Variants in ARL15 observed in about 807,000 individuals in gnomAD.
ARL15 encodes the protein ARF like GTPase 15, also known as ADP-ribosylation factor-like protein 15.
ARL15 carries 19 observed loss-of-function variants against 25.2 expected under a neutral mutation model. That is an observed-to-expected ratio of 0.75 (90% CI 0.53 to 1.10). The LOEUF (loss-of-function observed/expected upper bound fraction) is 1.10. Among genes scored for constraint, ARL15 ranks in the 50% least tolerant of loss-of-function variants. The pLI is 0.00. For synonymous variants in ARL15, 94 were observed against 86.8 expected, an observed-to-expected ratio of 1.08 and a Z score of -0.46; for missense variants, 220 against 246.0, an observed-to-expected ratio of 0.89 and a Z score of 0.71.
chr5:54,070,287 G>A lies in ARL15; in HGVS notation c.462+42915C>T, dbSNP rs372591882. Among the ~76,000 whole-genome samples the A allele has an allele frequency of 7.2e-5, 11 of 152,080 alleles. No homozygotes were observed. The East Asian group carries it at 2.2e-3, about 30-fold the overall frequency. On this transcript the variant is annotated intron_variant, in intron 4 of 4. Coordinates refer to ENST00000504924, the MANE Select transcript of ARL15 (RefSeq NM_019087.3). ...GGCGCCTGTAGTCCCAGCTACTTGG[G>A]AGGCTGAGGCAGGAGAATGGTGTGA...
chr5:54,123,325 G>A (rs1753147502), intron 3 of ARL15, among the ~76,000 whole-genome samples: 1 of 152,038 alleles, frequency 6.6e-6, no homozygotes, highest in South Asian at 2.1e-4. Flanking sequence ...TGGCCAGGAT[G>A]GTTTCGATCT....
intron 2 of ARL15, among the ~76,000 whole-genome samples, chr5:54,167,011 T>C (rs943181071): frequency 5.9e-5 from 9 of 152,182 alleles, no homozygotes; most frequent in African/African-American, 2.2e-4. Flanking sequence ...TTATCTGTCA[T>C]GTGAGTCCAG....
At chr5:54,053,643 T>C (rs1347964119) in intron 4 of ARL15, among the ~76,000 whole-genome samples, 3 of 152,220 alleles carry the variant, frequency 2.0e-5, no homozygotes, top group African/African-American at 7.2e-5. Flanking sequence ...TGTGGCACTG[T>C]ACCTCTGGGA....
chr5:54,184,261 CAAAAAAAAAAA>C (rs201681698), intron 1 of ARL15, among the ~76,000 whole-genome samples: 1 of 117,054 alleles, frequency 8.5e-6, no homozygotes, highest in Non-Finnish European at 1.7e-5. Flanking sequence ...AAAAAAAAAT[CAAAAAAAAAAA>C]AAAAAAAGAA....
intron 4 of ARL15, among the ~76,000 whole-genome samples, chr5:53,979,750 G>A (rs1748059426): frequency 6.6e-6 from 1 of 152,050 alleles, no homozygotes; most frequent in South Asian, 2.1e-4. Flanking sequence ...ATTTTCCCCA[G>A]CAAGAGATGC....
chr5:54,080,178 G>A (rs1751750938), intron 4 of ARL15, among the ~76,000 whole-genome samples: 1 of 152,144 alleles, frequency 6.6e-6, no homozygotes, highest in Non-Finnish European at 1.5e-5. Context: ...CAGGACATAG[G>A]AATTCTAAAG....
intron 4 of ARL15, among the ~76,000 whole-genome samples, chr5:53,917,804 A>G (rs981525804): frequency 3.3e-5 from 5 of 152,058 alleles, no homozygotes; most frequent in African/African-American, 1.2e-4. Context: ...AAACTCCTTC[A>G]CCAGAGGGGT....
At chr5:54,232,124 C>T (rs569353079) in intron 1 of ARL15, among the ~76,000 whole-genome samples, 15 of 152,298 alleles carry the variant, frequency 9.8e-5, no homozygotes, top group African/African-American at 3.4e-4. Flanking sequence ...CTCTTTAAGT[C>T]TCAGCCTCCA....
chr5:54,255,481 C>T (rs1268496054), intron 1 of ARL15, among the ~76,000 whole-genome samples: 1 of 152,120 alleles, frequency 6.6e-6, no homozygotes, highest in Non-Finnish European at 1.5e-5. Context: ...GATTTTGTTT[C>T]GTCTCCCTTT....
At chr5:53,973,390 A>G (rs897633621) in intron 4 of ARL15, among the ~76,000 whole-genome samples, 1 of 152,080 alleles carries the variant, frequency 6.6e-6, no homozygotes. Flanking sequence ...CCTGGTGAAC[A>G]TGGTAAAACC....
intron 4 of ARL15, among the ~76,000 whole-genome samples, chr5:53,942,896 T>A (rs949682177): frequency 6.6e-6 from 1 of 152,098 alleles, no homozygotes; most frequent in African/African-American, 2.4e-5. Context: ...CAGCCACCAG[T>A]GATGAAAGTG....
rs139363879 is a variant in ARL15, at chr5:54,038,484, G to A, written c.462+74718C>T. On this transcript the variant is annotated intron_variant, in intron 4 of 4. Coordinates refer to ENST00000504924, the MANE Select transcript of ARL15 (RefSeq NM_019087.3). ...CATTCCAAAAATAACAGAGAACTAA[G>A]TTCCACCAAGAGCCCATCAAAACTC... is the stretch of plus-strand genomic sequence containing the variant. Among the ~76,000 whole-genome samples the A allele has an allele frequency of 2.5e-3, 378 of 151,844 alleles. 1 individual carries two copies. Among genetic ancestry groups the A allele is most frequent in the African/African-American group, 8.9e-3 (368 of 41,426 alleles).
At chr5:53,914,842 G>A (rs553256461) in intron 4 of ARL15, among the ~76,000 whole-genome samples, 10 of 147,824 alleles carry the variant, frequency 6.8e-5, no homozygotes, top group Admixed American at 1.4e-4. Flanking sequence ...ATGGAGTCTC[G>A]CTTCTTCGCC....
Position 54,113,256 on chromosome 5 carries a change from G to C in ARL15, c.408C>G (p.Pro136=). 6.2e-7 allele frequency: 1 copy of C among 1,613,868 alleles called. No individual in the cohort carries two copies. The highest frequency in any genetic ancestry group is 8.5e-7 in the Non-Finnish European group (1 of 1,179,858). Residue 136 remains proline (P), a synonymous_variant, in exon 4 of 5, where the codon CCC becomes CCG. Transcript: ENST00000504924. ...ALQHPQLCTL[P]FLILANHQDK... ...CTTGATGATTGGCCAATATTAAAAAGGGTAAAGTGCATAACTGTGGATGCT... is the reference window on the plus strand; with the variant it reads ...CTTGATGATTGGCCAATATTAAAAACGGTAAAGTGCATAACTGTGGATGCT...
At chr5:54,050,052 C>G (rs1362507269) in intron 4 of ARL15, among the ~76,000 whole-genome samples, 1 of 152,108 alleles carries the variant, frequency 6.6e-6, no homozygotes, top group African/African-American at 2.4e-5. Flanking sequence ...AGGGAATTTT[C>G]TCTTTTTGTT....
chr5:53,929,185 A>T (rs201209480), intron 4 of ARL15, among the ~76,000 whole-genome samples: 1 of 135,802 alleles, frequency 7.4e-6, no homozygotes, highest in Admixed American at 7.5e-5. Flanking sequence ...AAAAAAAAAA[A>T]ATACATAAAA....
At chr5:53,908,348 C>T (rs1024494848) in intron 4 of ARL15, among the ~76,000 whole-genome samples, 10 of 152,086 alleles carry the variant, frequency 6.6e-5, no homozygotes, top group African/African-American at 1.4e-4. Context: ...AAATTGCACA[C>T]GTACTGAACA....
At chr5:54,127,064 T>C (rs6882556) in intron 3 of ARL15, among the ~76,000 whole-genome samples, 2,487 of 152,152 alleles carry the variant, frequency 0.016, 58 homozygotes, top group African/African-American at 0.056. Flanking sequence ...TGTGTTCTCA[T>C]TGTTCAATTC....
At chr5:54,073,584 C>G (rs774090084) in intron 4 of ARL15, among the ~76,000 whole-genome samples, 2 of 152,150 alleles carry the variant, frequency 1.3e-5, no homozygotes, top group Non-Finnish European at 2.9e-5. Context: ...ATATAACACT[C>G]TGGGGAAAGC....
Sources: gnomAD v4.1 joint callset for allele counts (sites outside exome capture counted in the v4.1 genomes callset) on GRCh38, gnomAD v4.1.1 for gene constraint, MANE v1.5 for transcripts, NCBI Gene and HGNC (gene_info 2026-07-23, HGNC 2026-07-21) for gene names.